The following CFAP97 variants were observed in gnomAD, a reference collection of about 807,000 sequenced individuals.
CFAP97 encodes cilia- and flagella-associated protein 97.
A neutral mutation model predicts 43.1 loss-of-function variants in CFAP97; 36 were observed. That is an observed-to-expected ratio of 0.84 (90% CI 0.64 to 1.10). The LOEUF (loss-of-function observed/expected upper bound fraction) is 1.10, where lower values mean the gene tolerates loss of function less well. Ranked by LOEUF, CFAP97 falls within the 50% of genes least tolerant of loss-of-function variation. The pLI, the probability that CFAP97 is intolerant of heterozygous loss-of-function variation, is 0.00. For synonymous variants in CFAP97, 228 were observed against 225.7 expected, an observed-to-expected ratio of 1.01 and a Z score of -0.09; for missense variants, 657 against 620.3, an observed-to-expected ratio of 1.06 and a Z score of -0.63.
intron 2 of CFAP97, chr4:185,182,567 T>C (rs1044312322): frequency 6.6e-6 from 1 of 152,230 alleles, no homozygotes; most frequent in African/African-American, 2.4e-5. Context: ...TAGCAACCTA[T>C]ATCAACAATC....
rs370242188 is a variant in CFAP97, at chr4:185,162,488, G to A, written c.*310C>T. 3 of 303,502 alleles carry A rather than the reference G, an allele frequency of 9.9e-6. No individual in the cohort carries two copies. The highest frequency in any genetic ancestry group is 2.3e-4 in the East Asian group (2 of 8,756). The allele number at this position is 303,502 out of a possible 1,614,324, so 18.8% of individuals were successfully genotyped here. ...AAACTATAGTGACCATCTTGGGTAC[G>A]ACATGCAATGATACTATCACTACTA... is the stretch of plus-strand genomic sequence containing the variant. On this transcript the variant is annotated 3_prime_UTR_variant, in exon 5 of 5. Coordinates refer to ENST00000458385, the MANE Select transcript of CFAP97 (RefSeq NM_020827.3).
intron 1 of CFAP97, among the ~76,000 whole-genome samples, chr4:185,191,627 C>T (rs939867613): frequency 6.6e-6 from 1 of 152,162 alleles, no homozygotes; most frequent in African/African-American, 2.4e-5. Context: ...GTCAAGAGAT[C>T]GAGACCATCC....
At chr4:185,171,380 A>C (rs529932905) in intron 3 of CFAP97, among the ~76,000 whole-genome samples, 1 of 152,320 alleles carries the variant, frequency 6.6e-6, no homozygotes, top group Non-Finnish European at 1.5e-5. Flanking sequence ...ATAACTAAGG[A>C]CTATTTTATT....
At chr4:185,204,993 A>G (rs967259500), upstream of CFAP97, among the ~76,000 whole-genome samples, 1 of 152,266 alleles carries the variant, frequency 6.6e-6, no homozygotes, top group Non-Finnish European at 1.5e-5. Flanking sequence ...TCCAGTAGTT[A>G]ATAAATATTG....
chr4:185,190,596 A>T lies in CFAP97; in HGVS notation c.601T>A (p.Ser201Thr). The T allele has an allele frequency of 6.2e-7, 1 of 1,611,942 alleles. No homozygotes were observed. Among genetic ancestry groups the T allele is most frequent in the Non-Finnish European group, 8.5e-7 (1 of 1,178,838 alleles). The change falls in exon 2 of 5, where the codon TCT becomes ACT. Residue 201 changes from serine (S) to threonine (T), a missense_variant. Coordinates refer to ENST00000458385, the MANE Select transcript of CFAP97 (RefSeq NM_020827.3). ...TTCTTAGATGACTTAGATGACGGAGACGAATCAGATAGATGGCTATCAGAC... is the reference window on the plus strand; with the variant it reads ...TTCTTAGATGACTTAGATGACGGAGTCGAATCAGATAGATGGCTATCAGAC... ...AGSDSHLSDSSPSSKSSKKHV... is the reference protein window; with the variant it reads ...AGSDSHLSDSTPSSKSSKKHV...
chr4:185,184,454 C>CT, intron 2 of CFAP97, among the ~76,000 whole-genome samples: 1 of 152,278 alleles, frequency 6.6e-6, no homozygotes, highest in Middle Eastern at 3.4e-3. Context: ...GGCCAAATTT[C>CT]TTTAAGAAGT....
chr4:185,166,993 T>C (rs6552868), intron 3 of CFAP97, among the ~76,000 whole-genome samples: 150,609 of 152,236 alleles, frequency 0.99, 74,514 homozygotes, highest in Middle Eastern at 1. Context: ...TTGGTGATTT[T>C]TTTTTTTAGC....
At chr4:185,205,308 G>T (rs112396897), upstream of CFAP97, among the ~76,000 whole-genome samples, 8 of 152,184 alleles carry the variant, frequency 5.3e-5, no homozygotes, top group Admixed American at 1.3e-4. Context: ...ACAAAAATTA[G>T]CTGGGCGTGG....
At chr4:185,176,173 G>A in intron 2 of CFAP97, 122 bp from the exon 3 acceptor site, 1 of 871,126 alleles carries the variant, frequency 1.1e-6, no homozygotes, top group Non-Finnish European at 1.7e-6. Flanking sequence ...AGTGCAATGG[G>A]ACAATCTTAG....
chr4:185,209,332 C>T lies in CFAP97; in HGVS notation c.-81G>A, dbSNP rs1459748881. 1 of 152,390 alleles carries T rather than the reference C, an allele frequency of 6.6e-6. No individual in the cohort carries two copies. Among genetic ancestry groups the T allele is most frequent in the Non-Finnish European group, 1.5e-5 (1 of 68,138 alleles). The allele number at this position is 152,390 out of a possible 1,614,324, so 9.4% of individuals were successfully genotyped here. A position where few individuals can be genotyped will look rare whatever the true frequency, so the allele number is the denominator to read the frequency against. On this transcript the variant is annotated 5_prime_UTR_variant, in exon 1 of 3. Coordinates refer to the CFAP97 transcript ENST00000503223. The surrounding 1 kb of genome is among the most constrained non-coding windows in gnomAD (Gnocchi z 5.2). The stretch of plus-strand genomic sequence containing the variant: ...GGAGAATTACGGGATCACCTGAGCT[C>T]AGGAATTACCAGCGCCGCTGACACC...
intron 2 of CFAP97, among the ~76,000 whole-genome samples, chr4:185,184,430 G>A (rs1023689920): frequency 5.3e-5 from 8 of 152,202 alleles, no homozygotes; most frequent in Admixed American, 1.3e-4. Flanking sequence ...GGAGACCTAT[G>A]TGGATGTTGA....
At chr4:185,172,238 G>GT (rs1235934945) in intron 3 of CFAP97, among the ~76,000 whole-genome samples, 9 of 152,168 alleles carry the variant, frequency 5.9e-5, no homozygotes, top group African/African-American at 2.2e-4. Context: ...TAATAAGCTA[G>GT]AATAATTTTT....
chr4:185,162,695 A>G lies in CFAP97; in HGVS notation c.*103T>C, dbSNP rs1734912967. On this transcript the variant is annotated 3_prime_UTR_variant, in exon 5 of 5. Coordinates refer to ENST00000458385, the MANE Select transcript of CFAP97 (RefSeq NM_020827.3). ...TACAACTCACTGTTGTACACCTTCA[A>G]TTGCTAAAACGGTATTCTAGATGTT... is the stretch of plus-strand genomic sequence containing the variant. 16 of 1,277,962 alleles carry G rather than the reference A, an allele frequency of 1.3e-5. No individual in the cohort carries two copies. Among genetic ancestry groups the G allele is most frequent in the Non-Finnish European group, 1.8e-5 (16 of 909,978 alleles). The allele number at this position is 1,277,962 out of a possible 1,614,324, so 79.2% of individuals were successfully genotyped here.
At position 185,209,331 on chromosome 4, in the gene CFAP97, T is replaced by C. The variant is rs982957658; in HGVS notation, c.-80A>G. 4.6e-5 allele frequency: 7 copies of C among 152,330 alleles called. No homozygotes were observed. The highest frequency in any genetic ancestry group is 3.3e-4 in the Admixed American group (5 of 15,280). The allele number at this position is 152,330 out of a possible 1,614,324, so 9.4% of individuals were successfully genotyped here. On this transcript the variant is annotated 5_prime_UTR_variant, in exon 1 of 3. Transcript: ENST00000503223. This position sits in a 1 kb window ranked among gnomAD's most constrained non-coding sequence, Gnocchi z 5.2. Reference sequence around the variant, plus strand: ...GGGAGAATTACGGGATCACCTGAGCTCAGGAATTACCAGCGCCGCTGACAC... The same window carrying C: ...GGGAGAATTACGGGATCACCTGAGCCCAGGAATTACCAGCGCCGCTGACAC...
chr4:185,166,372 T>C (rs562628203), intron 3 of CFAP97, among the ~76,000 whole-genome samples: 5 of 152,296 alleles, frequency 3.3e-5, no homozygotes, highest in Non-Finnish European at 7.4e-5. Context: ...GCATTTGCTG[T>C]TTTGTCTGAT....
chr4:185,188,829 G>C (rs914359678), intron 2 of CFAP97, among the ~76,000 whole-genome samples: 8 of 152,072 alleles, frequency 5.3e-5, no homozygotes, highest in Admixed American at 5.2e-4. Flanking sequence ...AAGATTTATG[G>C]GGTGAAGACT....
At chr4:185,182,204 T>G (rs910475911) in intron 2 of CFAP97, 5 of 152,040 alleles carry the variant, frequency 3.3e-5, no homozygotes, top group Non-Finnish European at 4.4e-5. Context: ...GTCAACGTCT[T>G]CAATGCTCTC....
intron 2 of CFAP97, among the ~76,000 whole-genome samples, chr4:185,186,014 TAAAA>T (rs1288814401): frequency 6.6e-6 from 1 of 152,144 alleles, no homozygotes; most frequent in Non-Finnish European, 1.5e-5. Flanking sequence ...CAGGCATAGG[TAAAA>T]TATACATTAA....
chr4:185,205,122 T>G (rs1310238088), upstream of CFAP97, among the ~76,000 whole-genome samples: 3 of 152,246 alleles, frequency 2.0e-5, no homozygotes, highest in Non-Finnish European at 4.4e-5. Context: ...TTGTTGGTCT[T>G]AATTACCAAA....
Sources: allele counts gnomAD v4.1 joint callset (sites outside exome capture counted in the v4.1 genomes callset), GRCh38; gene constraint gnomAD v4.1.1; non-coding constraint Gnocchi (gnomAD v3.1); transcripts MANE v1.5; gene names NCBI Gene and HGNC (gene_info 2026-07-23, HGNC 2026-07-21).